EEPD1: variants seen among roughly 807,000 people sequenced by gnomAD.
EEPD1 encodes the protein endonuclease/exonuclease/phosphatase family domain-containing protein 1.
Under a neutral mutation model 46.3 loss-of-function variants are expected in EEPD1, and 17 were observed. The ratio of observed to expected loss-of-function variants is 0.37; its 90% CI spans 0.25 to 0.55. The LOEUF (loss-of-function observed/expected upper bound fraction) is 0.55, where lower values mean the gene tolerates loss of function less well. Ranked by LOEUF, EEPD1 falls within the 20% of genes least tolerant of loss-of-function variation. The pLI is 0.83. For synonymous variants in EEPD1, 313 were observed against 315.6 expected (o/e 0.99, Z 0.09); for missense variants, 673 against 745.6 (o/e 0.90, Z 1.13).
chr7:36,246,194 C>T (rs1786638294), intron 3 of EEPD1, among the ~76,000 whole-genome samples: 1 of 152,106 alleles, frequency 6.6e-6, no homozygotes, highest in African/African-American at 2.4e-5. Context: ...TCAGGAGACA[C>T]AGGCCACCCA....
intron 3 of EEPD1, among the ~76,000 whole-genome samples, chr7:36,268,380 C>T (rs1299875990): frequency 4.6e-5 from 7 of 152,074 alleles, no homozygotes; most frequent in Non-Finnish European, 7.4e-5. Flanking sequence ...AGGCTGGTCT[C>T]GAACTCCTGA....
chr7:36,292,753 T>G (rs1033270589), intron 6 of EEPD1, among the ~76,000 whole-genome samples: 1 of 152,176 alleles, frequency 6.6e-6, no homozygotes, highest in African/African-American at 2.4e-5. Context: ...GTGGATCCCC[T>G]GCCTCAGCCT....
At chr7:36,292,951 T>C (rs1583481965) in intron 6 of EEPD1, among the ~76,000 whole-genome samples, 1 of 151,650 alleles carries the variant, frequency 6.6e-6, no homozygotes, top group East Asian at 1.9e-4. Context: ...GTCACTGTTT[T>C]CAGAGAATAT....
At position 36,297,110 on chromosome 7, in the gene EEPD1, T is replaced by G; in HGVS notation, c.1433T>G (p.Ile478Ser). 6.8e-6 allele frequency: 11 copies of G among 1,614,198 alleles called. No homozygotes were observed. Among genetic ancestry groups the G allele is most frequent in the Non-Finnish European group, 9.3e-6 (11 of 1,180,036 alleles). ...HLIPAHTFTN[I>S]STKNPQGSKS... ...ATCCCCGCGCACACCTTCACCAACATCAGCACCAAGAACCCTCAAGGCTCG... is the reference window on the plus strand; with the variant it reads ...ATCCCCGCGCACACCTTCACCAACAGCAGCACCAAGAACCCTCAAGGCTCG... Residue 478 changes from isoleucine (I) to serine (S), a missense_variant, in exon 7 of 8, where the codon ATC becomes AGC. By Grantham distance (142) the Ile-to-Ser change is moderately radical. Transcript: ENST00000242108.
intron 2 of EEPD1, among the ~76,000 whole-genome samples, chr7:36,173,021 A>T (rs1427765438): frequency 1.3e-5 from 2 of 152,080 alleles, no homozygotes; most frequent in Non-Finnish European, 2.9e-5. Context: ...CTAGTGTCTG[A>T]TGCTTGGTTT....
intron 3 of EEPD1, among the ~76,000 whole-genome samples, chr7:36,250,995 G>A (rs1202211250): frequency 6.6e-6 from 1 of 152,182 alleles, no homozygotes; most frequent in African/African-American, 2.4e-5. Flanking sequence ...CAACAGGGGG[G>A]CCATTTATGT....
At position 36,261,484 on chromosome 7, in the gene EEPD1, A is replaced by G. The variant is rs535907714; in HGVS notation, c.931-19631A>G. On this transcript the variant is annotated intron_variant, in intron 3 of 7. Coordinates refer to ENST00000242108, the MANE Select transcript of EEPD1 (RefSeq NM_030636.3). The stretch of plus-strand genomic sequence containing the variant: ...CCACCACCTCATACAAACTCTCACA[A>G]CAGCCATGACGACAGGAGTTACATG... Among the ~76,000 whole-genome samples, 5 of 152,304 alleles carry G rather than the reference A, an allele frequency of 3.3e-5. No homozygotes were observed. In the East Asian group the frequency reaches 9.7e-4, roughly 29 times the overall value.
chr7:36,207,888 G>GTTTGTTTTTTTTTT (rs1562687021), intron 2 of EEPD1, among the ~76,000 whole-genome samples: 1 of 122,184 alleles, frequency 8.2e-6, no homozygotes. Flanking sequence ...CAGTGCAGGA[G>GTTTGTTTTTTTTTT]TTTTTTTTTT....
intron 2 of EEPD1, among the ~76,000 whole-genome samples, chr7:36,189,225 C>T (rs910114540): frequency 4.6e-5 from 7 of 152,186 alleles, no homozygotes; most frequent in African/African-American, 1.7e-4. Context: ...ACAGGGTGGT[C>T]CCCAAAAACT....
At chr7:36,223,201 T>C (rs1168753392) in intron 2 of EEPD1, among the ~76,000 whole-genome samples, 2 of 151,420 alleles carry the variant, frequency 1.3e-5, no homozygotes, top group African/African-American at 2.4e-5. Context: ...AGAAATAAAT[T>C]TTAACACAGT....
chr7:36,236,591 TG>T (rs1248774898), intron 2 of EEPD1, among the ~76,000 whole-genome samples: 1 of 152,238 alleles, frequency 6.6e-6, no homozygotes, highest in Non-Finnish European at 1.5e-5. Context: ...GAGGTGAAGC[TG>T]GCTGGGCTTC....
At chr7:36,275,911 G>A (rs979665644) in intron 3 of EEPD1, among the ~76,000 whole-genome samples, 2 of 150,278 alleles carry the variant, frequency 1.3e-5, no homozygotes, top group Non-Finnish European at 3.0e-5. Context: ...CCTTGTCACT[G>A]CAGAGTCACC....
At chr7:36,195,055 G>T (rs1254078888) in intron 2 of EEPD1, among the ~76,000 whole-genome samples, 1 of 152,154 alleles carries the variant, frequency 6.6e-6, no homozygotes, top group African/African-American at 2.4e-5. Flanking sequence ...ATGTATTCTG[G>T]TAGTGATCAG....
intron 2 of EEPD1, among the ~76,000 whole-genome samples, chr7:36,198,595 T>G (rs999473959): frequency 2.6e-5 from 4 of 152,220 alleles, no homozygotes; most frequent in Non-Finnish European, 5.9e-5. Flanking sequence ...GGGCGCTCTT[T>G]GGGGCATCAC....
chr7:36,155,060 C>G lies in EEPD1; in HGVS notation c.736C>G (p.Pro246Ala), dbSNP rs759021383. ...GCCCACCCAGATTATCTCCACTCGG[C>G]CGTCCGTGGAGGCCTTTGGAGGCAC... ...GGPTQIISTR[P>A]SVEAFGGTRD... Residue 246 changes from proline (P) to alanine (A), a missense_variant, in exon 2 of 8, where the codon CCG (proline) becomes GCG (alanine). Pro to Ala is a conservative substitution (Grantham distance 27). Coordinates refer to ENST00000242108, the MANE Select transcript of EEPD1 (RefSeq NM_030636.3). 6.3e-7 allele frequency: 1 copy of G among 1,595,832 alleles called. No individual in the cohort carries two copies. Among genetic ancestry groups the G allele is most frequent in the African/African-American group, 1.3e-5 (1 of 74,686 alleles).
intron 2 of EEPD1, among the ~76,000 whole-genome samples, chr7:36,156,403 C>G (rs1784825648): frequency 6.6e-6 from 1 of 152,182 alleles, no homozygotes; most frequent in South Asian, 2.1e-4. Context: ...TGTGTCCTCT[C>G]TTTTGCAGCC....
chr7:36,215,095 C>T (rs1786006563), intron 2 of EEPD1, among the ~76,000 whole-genome samples: 1 of 152,210 alleles, frequency 6.6e-6, no homozygotes, highest in South Asian at 2.1e-4. Flanking sequence ...GATAGGGTTT[C>T]ATGCATAGCA....
intron 3 of EEPD1, among the ~76,000 whole-genome samples, chr7:36,245,334 C>T (rs767457929): frequency 2.0e-5 from 3 of 152,186 alleles, no homozygotes; most frequent in Non-Finnish European, 4.4e-5. Context: ...CACTTCCTTG[C>T]TCCAGTGGTC....
In EEPD1 at chr7:36,209,095, A is replaced by G. The variant is rs141652679; in HGVS notation, c.879-29890A>G. On this transcript the variant is annotated intron_variant, in intron 2 of 7. Transcript: ENST00000242108. ...TCTCATCTATGAAGTGGGGGTAATAACAATGGGGTTGTGTGGGATTACATT... is the reference window on the plus strand; with the variant it reads ...TCTCATCTATGAAGTGGGGGTAATAGCAATGGGGTTGTGTGGGATTACATT... 1.4e-4 allele frequency among the ~76,000 whole-genome samples: 22 copies of G among 152,288 alleles called. No individual in the cohort carries two copies. The East Asian group carries it at 4.3e-3, about 29-fold the overall frequency.
Sources: gnomAD v4.1 joint callset for allele counts (sites outside exome capture counted in the v4.1 genomes callset) on GRCh38, gnomAD v4.1.1 for gene constraint, MANE v1.5 for transcripts, NCBI Gene and HGNC (gene_info 2026-07-23, HGNC 2026-07-21) for gene names.